Variants in CENPE observed in about 807,000 individuals in gnomAD.
The protein encoded by CENPE is centromere protein E.
Under a neutral mutation model 336.1 loss-of-function variants are expected in CENPE, and 145 were observed. The observed-to-expected ratio is 0.43, with a 90% confidence interval of 0.38 to 0.50. CENPE has a LOEUF of 0.50. CENPE is among the 20% of genes least tolerant of loss of function. The pLI, the probability that CENPE is intolerant of heterozygous loss-of-function variation, is 0.00. For missense variants in CENPE, 2,719 were observed against 3,023.3 expected, an observed-to-expected ratio of 0.90 and a Z score of 2.36; for synonymous variants, 1,013 against 984.8, an observed-to-expected ratio of 1.03 and a Z score of -0.54.
At chr4:103,192,455 C>T (rs1025666501) in intron 8 of CENPE, among the ~76,000 whole-genome samples, 5 of 152,064 alleles carry the variant, frequency 3.3e-5, no homozygotes, top group African/African-American at 7.2e-5. Flanking sequence ...TTAGTATATT[C>T]GAAATCCTTA....
chr4:103,158,926 G>A, intron 22 of CENPE, 40 bp from the exon 23 acceptor site: 2 of 1,567,708 alleles, frequency 1.3e-6, no homozygotes, highest in Non-Finnish European at 1.7e-6. Context: ...AGTAAAAGCA[G>A]AGCAGTCTGA....
chr4:103,109,239 C>T (rs1280512790), intron 47 of CENPE, 150 bp from the exon 48 acceptor site: 1 of 659,090 alleles, frequency 1.5e-6, no homozygotes, highest in East Asian at 3.1e-5. Flanking sequence ...TAATTTCAAC[C>T]TCATGCTTCC....
At chr4:103,177,710 T>C (rs1254325454) in intron 13 of CENPE, among the ~76,000 whole-genome samples, 2 of 151,876 alleles carry the variant, frequency 1.3e-5, no homozygotes, top group Admixed American at 1.3e-4. Flanking sequence ...TTCCGTCACA[T>C]TGCCTCTTAA....
At chr4:103,111,058 A>G (rs759078573) in intron 46 of CENPE, 47 bp from the exon 47 acceptor site, 31 of 1,370,264 alleles carry the variant, frequency 2.3e-5, no homozygotes, top group Admixed American at 4.5e-5. Context: ...AATTGTCTCC[A>G]AAGTTCAAAA....
chr4:103,185,013 A>T (rs1756641551), intron 9 of CENPE, among the ~76,000 whole-genome samples: 1 of 152,070 alleles, frequency 6.6e-6, no homozygotes, highest in Non-Finnish European at 1.5e-5. Context: ...CTGATTTACA[A>T]GTTTTCTTAG....
rs187303852 is a variant in CENPE, at chr4:103,108,929, G to A, written c.7885C>T (p.Arg2629Trp). Reference protein sequence around the residue: ...KQITPSQCKERNLQDPVPKES... With the variant: ...KQITPSQCKEWNLQDPVPKES... ...TTTGGCACAGGATCTTGTAAATTCC[G>A]TTCCTTGCATTGAGAGGGTGTAATT... is the stretch of plus-strand genomic sequence containing the variant. The change falls in exon 48 of 49, where the codon CGG becomes TGG. Residue 2629 changes from arginine (R) to tryptophan (W), a missense_variant. Arg to Trp is a moderately radical substitution (Grantham distance 101, BLOSUM62 -3). Around this residue, in one of 5 missense-constraint regions of CENPE, gnomAD observed 2,437 missense variants for 2,513.3 expected, o/e 0.97. Transcript: ENST00000265148. The A allele has an allele frequency of 1.7e-4, 269 of 1,613,850 alleles. No individual in the cohort carries two copies. The highest frequency in any genetic ancestry group is 3.0e-4 in the Admixed American group (18 of 60,006).
intron 48 of CENPE, among the ~76,000 whole-genome samples, chr4:103,108,242 C>T (rs2125825673): frequency 6.7e-6 from 1 of 148,278 alleles, no homozygotes; most frequent in South Asian, 2.1e-4. Context: ...GCTATAATTT[C>T]ACTTTTTTTT....
intron 18 of CENPE, among the ~76,000 whole-genome samples, chr4:103,161,854 G>A (rs1754470285): frequency 6.6e-6 from 1 of 151,702 alleles, no homozygotes; most frequent in African/African-American, 2.4e-5. Flanking sequence ...AAAGGAAAAA[G>A]ACAAATGATC....
rs1232815082 is a variant in CENPE at position 103,176,973 on chromosome 4, T to G, written c.1316A>C (p.Gln439Pro). The change falls in exon 14 of 49, where the codon CAA (glutamine) becomes CCA (proline). Residue 439 changes from glutamine to proline, a missense_variant. Gln to Pro is a moderately conservative substitution (Grantham distance 76). Transcript: ENST00000265148. ...NKMKNSNYAD[Q>P]FNIPTNITTK... ...TGTTATATTTGTTGGTATATTAAAT[T>G]GATCTGCATAGTTTGAGTTCTTCAT... The G allele has an allele frequency of 1.2e-6, 2 of 1,606,146 alleles. No individual in the cohort carries two copies. The highest frequency in any genetic ancestry group is 2.7e-5 in the African/African-American group (2 of 74,638).
Position 103,123,004 on chromosome 4 carries a change from T to C in CENPE, c.7010A>G (p.Glu2337Gly). 6.2e-7 allele frequency: 1 copy of C among 1,613,980 alleles called. No individual in the cohort carries two copies. Among genetic ancestry groups the C allele is most frequent in the Non-Finnish European group, 8.5e-7 (1 of 1,179,884 alleles). The change falls in exon 43 of 49, where the codon GAG (glutamate) becomes GGG (glycine). Residue 2337 changes from glutamate to glycine, a missense_variant. By Grantham distance (98) the Glu-to-Gly change is moderately conservative (BLOSUM62 -2). This residue lies in a region of CENPE where 2,437 missense variants were observed against 2,513.3 expected (regional missense o/e 0.97). Transcript: ENST00000265148. Reference sequence around the variant, plus strand: ...GTTTTTAAATAGTTTTTCATTTTTCTCTTTCAGTGATTTCAGGTCCTGTTC... The same window carrying C: ...GTTTTTAAATAGTTTTTCATTTTTCCCTTTCAGTGATTTCAGGTCCTGTTC... ...EWEQDLKSLK[E>G]KNEKLFKNYQ...
chr4:103,181,522 A>G, intron 11 of CENPE, 66 bp from the exon 12 acceptor site: 1 of 1,344,154 alleles, frequency 7.4e-7, no homozygotes, highest in Non-Finnish European at 1.0e-6. Flanking sequence ...AATTAATAAT[A>G]TTTAGCTTTC....
chr4:103,189,812 A>C (rs1757139792), intron 8 of CENPE, among the ~76,000 whole-genome samples: 1 of 152,168 alleles, frequency 6.6e-6, no homozygotes, highest in African/African-American at 2.4e-5. Flanking sequence ...CAGGAGGAGG[A>C]AATAAAGGGT....
chr4:103,134,673 A>G (rs960015061), intron 40 of CENPE, among the ~76,000 whole-genome samples: 1 of 151,672 alleles, frequency 6.6e-6, no homozygotes, highest in Non-Finnish European at 1.5e-5. Context: ...TTCCTTGTCA[A>G]GCATATTTAG....
intron 8 of CENPE, among the ~76,000 whole-genome samples, chr4:103,190,026 T>A (rs1316359886): frequency 1.3e-5 from 2 of 152,072 alleles, no homozygotes; most frequent in African/African-American, 4.8e-5. Context: ...AAATCATGAG[T>A]GAATTCCCAT....
At position 103,138,410 on chromosome 4, in the gene CENPE, G is replaced by A. The variant is rs115271556; in HGVS notation, c.6244C>T (p.Leu2082=). 110 of 1,613,654 alleles carry A rather than the reference G, an allele frequency of 6.8e-5. No individual in the cohort carries two copies. The East Asian group carries it at 9.1e-4, about 13-fold the overall frequency. The change falls in exon 39 of 49, where the codon CTA becomes TTA. Residue 2082 remains leucine (L), a synonymous_variant. Coordinates refer to ENST00000265148, the MANE Select transcript of CENPE (RefSeq NM_001813.3). The part of the protein sequence containing the change: ...NHQVKPEKRL[L]SDGQQHLTES... ...GTAAGGTGCTGTTGTCCATCACTTA[G>A]TAACCTTTTTTCAGGTTTTACTTGG... is the stretch of plus-strand genomic sequence containing the variant.
At chr4:103,163,917 T>C (rs1415574212) in intron 16 of CENPE, among the ~76,000 whole-genome samples, 1 of 152,122 alleles carries the variant, frequency 6.6e-6, no homozygotes, top group Non-Finnish European at 1.5e-5. Flanking sequence ...ACACGTTTAG[T>C]AGATTTTTGT....
intron 13 of CENPE, among the ~76,000 whole-genome samples, chr4:103,179,110 G>C (rs1275632444): frequency 6.6e-6 from 1 of 152,142 alleles, no homozygotes; most frequent in African/African-American, 2.4e-5. Context: ...GGAATTGCTT[G>C]CAAGTCATTC....
At chr4:103,171,916 T>C (rs956268489) in intron 16 of CENPE, among the ~76,000 whole-genome samples, 3 of 151,848 alleles carry the variant, frequency 2.0e-5, no homozygotes, top group Non-Finnish European at 4.4e-5. Context: ...GACTGAATTA[T>C]GAATAAATAG....
intron 8 of CENPE, among the ~76,000 whole-genome samples, chr4:103,191,779 A>G (rs1000443371): frequency 1.3e-5 from 2 of 152,128 alleles, no homozygotes; most frequent in African/African-American, 4.8e-5. Context: ...ATGTACCCTA[A>G]AACTTAAAGT....
Sources: allele counts gnomAD v4.1 joint callset (sites outside exome capture counted in the v4.1 genomes callset), GRCh38; gene constraint gnomAD v4.1.1; regional missense constraint gnomAD v4.1.1; transcripts MANE v1.5; gene names NCBI Gene and HGNC (gene_info 2026-07-23, HGNC 2026-07-21).